CDH23: variants seen among roughly 807,000 people sequenced by gnomAD.
CDH23 encodes the protein cadherin related 23, also known as cadherin-23.
In CDH23, 189 loss-of-function variants were observed where a neutral mutation model predicts 317.1. That is an observed-to-expected ratio of 0.60 (90% confidence interval 0.53 to 0.67). The LOEUF (loss-of-function observed/expected upper bound fraction) is 0.67. Ranked by LOEUF, CDH23 falls within the 30% of genes least tolerant of loss-of-function variation. CDH23 has a pLI of 0.00. For synonymous variants in CDH23, 1,839 were observed against 1,876.8 expected, an observed-to-expected ratio of 0.98 and a Z score of 0.52; for missense variants, 4,401 against 4,592.4, an observed-to-expected ratio of 0.96 and a Z score of 1.20.
chr10:71,695,215 C>T (rs1426630996), intron 21 of CDH23, among the ~76,000 whole-genome samples: 2 of 152,240 alleles, frequency 1.3e-5, no homozygotes, highest in East Asian at 3.8e-4. Flanking sequence ...GATGGGACAA[C>T]ACTGGAACTC....
chr10:71,675,278 G>T, intron 15 of CDH23, 102 bp downstream of exon 15: 2 of 962,400 alleles, frequency 2.1e-6, no homozygotes, highest in Non-Finnish European at 3.3e-6. Flanking sequence ...GGAGGGAGGT[G>T]CTGGGTCCTG....
chr10:71,577,712 TC>T (rs1261630018), intron 8 of CDH23, among the ~76,000 whole-genome samples: 1 of 152,180 alleles, frequency 6.6e-6, no homozygotes, highest in African/African-American at 2.4e-5. Flanking sequence ...AGGTTTGGCC[TC>T]CCCGTGGACC....
chr10:71,528,884 G>T (rs557952760), intron 6 of CDH23, among the ~76,000 whole-genome samples: 3 of 152,182 alleles, frequency 2.0e-5, no homozygotes, highest in Non-Finnish European at 4.4e-5. Flanking sequence ...CTTTGAGCAG[G>T]GGGATGGGGC....
chr10:71,805,509 G>A (rs191630358), intron 55 of CDH23, among the ~76,000 whole-genome samples: 14 of 152,198 alleles, frequency 9.2e-5, no homozygotes, highest in Non-Finnish European at 7.3e-5. Context: ...GACTGGAAGG[G>A]CGGAGGCAGC....
chr10:71,780,101 G>T (rs1840913807), intron 41 of CDH23, among the ~76,000 whole-genome samples: 1 of 152,218 alleles, frequency 6.6e-6, no homozygotes, highest in South Asian at 2.1e-4. Flanking sequence ...CCCAGCCTGG[G>T]AGTACCTGGG....
At chr10:71,812,439 G>A (rs1841967907) in intron 66 of CDH23, 41 bp from the exon 67 acceptor site, 2 of 1,611,330 alleles carry the variant, frequency 1.2e-6, no homozygotes, top group South Asian at 2.2e-5. Flanking sequence ...GTCTACTCGA[G>A]CCTTCCCTCC....
intron 1 of CDH23, among the ~76,000 whole-genome samples, chr10:71,413,292 G>A (rs1302347656): frequency 2.6e-5 from 4 of 152,104 alleles, no homozygotes; most frequent in African/African-American, 9.7e-5. Context: ...GTTTGTTTAT[G>A]TGACAGTTTA....
chr10:71,811,627 C>T (rs1589438595), intron 64 of CDH23, 37 bp downstream of exon 64: 1 of 1,613,690 alleles, frequency 6.2e-7, no homozygotes, highest in Non-Finnish European at 8.5e-7. Flanking sequence ...GGGGGCCGAC[C>T]ACCTGCTCCC....
At chr10:71,551,768 A>G (rs915052511) in intron 6 of CDH23, among the ~76,000 whole-genome samples, 1 of 152,196 alleles carries the variant, frequency 6.6e-6, no homozygotes, top group Non-Finnish European at 1.5e-5. Flanking sequence ...CCAGCAGTGG[A>G]GCCCAGTGGG....
At chr10:71,812,380 T>C (rs1841963614) in intron 66 of CDH23, 100 bp from the exon 67 acceptor site, 5 of 1,603,426 alleles carry the variant, frequency 3.1e-6, no homozygotes, top group African/African-American at 1.3e-5. Context: ...AAAGGCACTA[T>C]ATGGCCAGGG....
intron 34 of CDH23, among the ~76,000 whole-genome samples, chr10:71,735,729 G>A (rs1436083859): frequency 5.3e-5 from 8 of 152,234 alleles, no homozygotes; most frequent in Non-Finnish European, 1.2e-4. Flanking sequence ...CTCCCTGGAG[G>A]TGCCCAGTTC....
intron 6 of CDH23, among the ~76,000 whole-genome samples, chr10:71,521,245 A>G (rs1464073953): frequency 1.3e-5 from 2 of 151,742 alleles, no homozygotes; most frequent in East Asian, 3.9e-4. Flanking sequence ...TGCCAGCCCC[A>G]GGGAGCCCAA....
chr10:71,425,906 G>A (rs1210029623), intron 1 of CDH23, among the ~76,000 whole-genome samples: 1 of 152,230 alleles, frequency 6.6e-6, no homozygotes, highest in African/African-American at 2.4e-5. Flanking sequence ...GGAAGCTGCT[G>A]GGTTCTCAGC....
At chr10:71,639,338 C>A (rs1321015519) in intron 11 of CDH23, among the ~76,000 whole-genome samples, 1 of 152,202 alleles carries the variant, frequency 6.6e-6, no homozygotes, top group African/African-American at 2.4e-5. Context: ...TGAAGGCAGT[C>A]CCCCAGCCCC....
intron 11 of CDH23, among the ~76,000 whole-genome samples, chr10:71,626,533 C>G (rs1437628413): frequency 6.6e-6 from 1 of 152,170 alleles, no homozygotes; most frequent in Non-Finnish European, 1.5e-5. Flanking sequence ...TGGGAGAGAC[C>G]CAGTCAATGC....
At chr10:71,420,533 A>ATGATGATGGTGATGATGATGG (rs1848753213) in intron 1 of CDH23, among the ~76,000 whole-genome samples, 1 of 101,610 alleles carries the variant, frequency 9.8e-6, no homozygotes, top group African/African-American at 4.4e-5. Context: ...GGTGATGATG[A>ATGATGATGGTGATGATGATGG]TGATGATGAT....
chr10:71,705,055 G>T lies in CDH23; in HGVS notation c.2878G>T (p.Glu960Ter). The change falls in exon 25 of 70, where the codon GAG (glutamate) becomes TAG (stop). Residue 960 changes from glutamate (E) to a stop codon, truncating the protein, a stop_gained. Transcript: ENST00000224721. LOFTEE classifies it high-confidence loss of function. ...TTELDRERIA[E>*]YQLRVVASDA... ...CGAGCTGGACCGCGAGCGCATCGCG[G>T]AGTACCAGCTGCGGGTGGTGGCCAG... 1 of 1,612,632 alleles carries T rather than the reference G, an allele frequency of 6.2e-7. No homozygotes were observed.
intron 9 of CDH23, among the ~76,000 whole-genome samples, chr10:71,614,895 C>T (rs1242958744): frequency 1.3e-5 from 2 of 152,144 alleles, no homozygotes; most frequent in South Asian, 2.1e-4. Flanking sequence ...AAGTGTGGCT[C>T]ATAGATAATT....
chr10:71,682,659 C>A, intron 18 of CDH23, 87 bp downstream of exon 18: 1 of 1,521,404 alleles, frequency 6.6e-7, no homozygotes. Flanking sequence ...GGACTGTGGC[C>A]CCCACCTCCT....
Sources: allele counts gnomAD v4.1 joint callset (sites outside exome capture counted in the v4.1 genomes callset), GRCh38; gene constraint gnomAD v4.1.1; transcripts MANE v1.5; gene names NCBI Gene and HGNC (gene_info 2026-07-23, HGNC 2026-07-21).